Variants in AK3 observed in about 807,000 individuals in gnomAD.
AK3 encodes the protein GTP:AMP phosphotransferase AK3, mitochondrial.
Under a neutral mutation model 23.7 loss-of-function variants are expected in AK3, and 27 were observed. The ratio of observed to expected loss-of-function variants is 1.14; its 90% CI spans 0.84 to 1.57. AK3 has a LOEUF of 1.57. AK3 is among the 40% of genes most tolerant of loss of function. The pLI is 0.00. For synonymous variants in AK3, 159 were observed against 116.0 expected (o/e 1.37, Z -2.38); for missense variants, 406 against 285.6 (o/e 1.42, Z -3.04).
rs1435582637 is a variant in AK3, at chr9:4,712,398, A to G, written c.*578T>C. ...TTCTGAGTAAACTGAAAGTATGCTT[A>G]ACGACAAAATAAATACAGCATATAT... On this transcript the variant is annotated 3_prime_UTR_variant, in exon 5 of 5. Coordinates refer to ENST00000381809, the MANE Select transcript of AK3 (RefSeq NM_016282.4). 1 of 152,232 alleles carries G rather than the reference A, an allele frequency of 6.6e-6. No individual in the cohort carries two copies. Among genetic ancestry groups the G allele is most frequent in the African/African-American group, 2.4e-5 (1 of 41,462 alleles). The allele number at this position is 152,232 out of a possible 1,614,324, so 9.4% of individuals were successfully genotyped here.
chr9:4,720,007 G>A (rs971842673), intron 2 of AK3, among the ~76,000 whole-genome samples: 3 of 152,098 alleles, frequency 2.0e-5, no homozygotes, highest in Non-Finnish European at 2.9e-5. Context: ...AGGTTGTAGT[G>A]AACCAAAATT....
chr9:4,738,793 G>C (rs1227067675), intron 1 of AK3, among the ~76,000 whole-genome samples: 2 of 135,300 alleles, frequency 1.5e-5, no homozygotes, highest in Admixed American at 7.7e-5. Context: ...TTTGAGACAG[G>C]GTATCACTCT....
Position 4,712,208 on chromosome 9 carries a change from A to C in AK3, c.*768T>G, listed in dbSNP as rs1034329222. On this transcript the variant is annotated 3_prime_UTR_variant, in exon 5 of 5. Transcript: ENST00000381809. ...AACTGAAAACATAGACTTTAATTAC[A>C]TTTTGTTGAAAATTCATTCAACTTT... 2 of 152,182 alleles carry C rather than the reference A, an allele frequency of 1.3e-5. No individual in the cohort carries two copies. Among genetic ancestry groups the C allele is most frequent in the African/African-American group, 4.8e-5 (2 of 41,452 alleles). 9.4% of individuals were successfully genotyped at this position (152,182 alleles called of 1,614,324 possible).
At chr9:4,739,071 C>T (rs1842363001) in intron 1 of AK3, among the ~76,000 whole-genome samples, 1 of 151,968 alleles carries the variant, frequency 6.6e-6, no homozygotes, top group South Asian at 2.1e-4. Flanking sequence ...TTGCGCCAGG[C>T]CTACTCTCCT....
intron 1 of AK3, among the ~76,000 whole-genome samples, chr9:4,722,865 C>T (rs554228254): frequency 2.4e-4 from 37 of 152,022 alleles, no homozygotes; most frequent in African/African-American, 7.0e-4. Flanking sequence ...AAGACTAGCC[C>T]GGCCAACATG....
Position 4,715,215 on chromosome 9 carries a change from T to TTAA in AK3, c.564-2120_564-2119insTTA, listed in dbSNP as rs1563782180. Among the ~76,000 whole-genome samples, 106 of 39,282 alleles carry TTAA rather than the reference T, an allele frequency of 2.7e-3. 2 individuals carry two copies. The highest frequency in any genetic ancestry group is 0.012 in the African/African-American group (98 of 8,074). The allele number at this position is 39,282 out of a possible 152,430, so 25.8% of individuals were successfully genotyped here. A position where few individuals can be genotyped will look rare whatever the true frequency, so the allele number is the denominator to read the frequency against. ...ACCTGAGAGAGAGTGAGACTCCGTC[T>TTAA]CAAAAAAAAAAAAAAAAAAAAGAAA... On this transcript the variant is annotated intron_variant, in intron 4 of 4. Coordinates refer to ENST00000381809, the MANE Select transcript of AK3 (RefSeq NM_016282.4).
intron 4 of AK3, among the ~76,000 whole-genome samples, chr9:4,716,699 G>A (rs958938416): frequency 6.6e-6 from 1 of 152,206 alleles, no homozygotes; most frequent in African/African-American, 2.4e-5. Context: ...GGGAGGCCGA[G>A]GCAGGAGGGT....
chr9:4,738,400 T>C (rs1382516976), intron 1 of AK3, among the ~76,000 whole-genome samples: 1 of 152,054 alleles, frequency 6.6e-6, no homozygotes, highest in Non-Finnish European at 1.5e-5. Context: ...TCCTGACCTC[T>C]GGTGATTCAC....
At chr9:4,728,908 T>G (rs1038038983) in intron 1 of AK3, among the ~76,000 whole-genome samples, 1 of 147,390 alleles carries the variant, frequency 6.8e-6, no homozygotes, top group South Asian at 2.1e-4. Context: ...CATACTTATA[T>G]ATATACATAC....
intron 1 of AK3, among the ~76,000 whole-genome samples, chr9:4,726,861 A>G (rs774265720): frequency 1.1e-4 from 16 of 152,056 alleles, no homozygotes; most frequent in Non-Finnish European, 2.1e-4. Flanking sequence ...TTTAAATAAC[A>G]AAACTTGAGA....
chr9:4,735,282 T>C lies in AK3; in HGVS notation c.151+5655A>G, dbSNP rs1262298097. Reference sequence around the variant, plus strand: ...ATATAAATATATATATAAATATATATACATATATAAATATATATATACATA... The same window carrying C: ...ATATAAATATATATATAAATATATACACATATATAAATATATATATACATA... On this transcript the variant is annotated intron_variant, in intron 1 of 4. Transcript: ENST00000381809. 4.4e-3 allele frequency among the ~76,000 whole-genome samples: 227 copies of C among 51,856 alleles called. 34 individuals carry two copies. Among genetic ancestry groups the C allele is most frequent in the African/African-American group, 0.018 (208 of 11,470 alleles). 34.0% of individuals were successfully genotyped at this position (51,856 alleles called of 152,430 possible).
intron 1 of AK3, among the ~76,000 whole-genome samples, chr9:4,732,992 G>T (rs976725645): frequency 2.0e-5 from 3 of 151,614 alleles, no homozygotes; most frequent in African/African-American, 7.3e-5. Context: ...CTATAGACAA[G>T]CAGAATCATG....
At chr9:4,734,483 C>A (rs1440955922) in intron 1 of AK3, among the ~76,000 whole-genome samples, 1 of 152,110 alleles carries the variant, frequency 6.6e-6, no homozygotes, top group African/African-American at 2.4e-5. Context: ...AAAGGATCCA[C>A]GGATAGTTGC....
At position 4,713,069 on chromosome 9, in the gene AK3, G is replaced by A. The variant is rs768409645; in HGVS notation, c.591C>T (p.Ser197=). ...GCCAAATCTTGTTGGTTTCTGTTCC[G>A]GAGAATGTTTCCAGCACCCCTTTTT... The part of the protein sequence containing the change: ...YQKKGVLETF[S]GTETNKIWPY... Residue 197 remains serine (S), a synonymous_variant, in exon 5 of 5, where the codon TCC becomes TCT. Transcript: ENST00000381809. 7.4e-6 allele frequency: 12 copies of A among 1,613,420 alleles called. No homozygotes were observed. Among genetic ancestry groups the A allele is most frequent in the East Asian group, 4.5e-5 (2 of 44,850 alleles).
At chr9:4,730,653 T>C (rs1842131433) in intron 1 of AK3, among the ~76,000 whole-genome samples, 1 of 152,202 alleles carries the variant, frequency 6.6e-6, no homozygotes, top group Admixed American at 6.5e-5. Context: ...TTTGTTTATA[T>C]ATAGATAGAT....
chr9:4,728,836 T>C (rs1240900629), intron 1 of AK3, among the ~76,000 whole-genome samples: 5 of 72,952 alleles, frequency 6.9e-5, no homozygotes, highest in African/African-American at 1.8e-4. Flanking sequence ...TCTCTACATA[T>C]ATATATATAT....
Position 4,710,949 on chromosome 9 carries a change from T to A in AK3, c.*2027A>T, listed in dbSNP as rs1021964820. 4.6e-5 allele frequency: 7 copies of A among 152,154 alleles called. No homozygotes were observed. The highest frequency in any genetic ancestry group is 1.4e-4 in the African/African-American group (6 of 41,418). 9.4% of individuals were successfully genotyped at this position (152,154 alleles called of 1,614,324 possible). ...AAAGTTGTATTACAGTCATATTCAT[T>A]CCTAAAGTAATGAATGTATGTGCAA... On this transcript the variant is annotated 3_prime_UTR_variant, in exon 5 of 5. Transcript: ENST00000381809.
intron 1 of AK3, 128 bp downstream of exon 1, chr9:4,740,809 T>A: frequency 8.4e-7 from 1 of 1,191,396 alleles, no homozygotes; most frequent in Non-Finnish European, 1.1e-6. Flanking sequence ...CCGAGGTCTC[T>A]GTCCCGGGCG....
chr9:4,736,890 C>A (rs1842307278), intron 1 of AK3, among the ~76,000 whole-genome samples: 2 of 152,124 alleles, frequency 1.3e-5, no homozygotes, highest in Admixed American at 1.3e-4. Flanking sequence ...GTTACCCAGG[C>A]TAGTCTCAAT....
Sources: gnomAD v4.1 joint callset for allele counts (sites outside exome capture counted in the v4.1 genomes callset) on GRCh38, gnomAD v4.1.1 for gene constraint, MANE v1.5 for transcripts, NCBI Gene and HGNC (gene_info 2026-07-23, HGNC 2026-07-21) for gene names.